Variants in FREM1 observed in about 807,000 individuals in gnomAD.
The protein encoded by FREM1 is FRAS1-related extracellular matrix protein 1.
Under a neutral mutation model 210.1 loss-of-function variants are expected in FREM1, and 220 were observed. The ratio of observed to expected loss-of-function variants is 1.05; its 90% CI spans 0.94 to 1.17. The LOEUF is 1.17. FREM1 is among the 50% of genes most tolerant of loss of function. FREM1 has a pLI of 0.00. For synonymous variants in FREM1, 1,189 were observed against 980.2 expected, an observed-to-expected ratio of 1.21 and a Z score of -3.98; for missense variants, 3,454 against 2,675.5, an observed-to-expected ratio of 1.29 and a Z score of -6.42.
Position 14,869,228 on chromosome 9 carries a change from C to G in FREM1, c.-251G>C. On this transcript the variant is annotated 5_prime_UTR_variant, in exon 2 of 37. Coordinates refer to ENST00000380880, the MANE Select transcript of FREM1 (RefSeq NM_001379081.2). ...ACGCCGGCAAGATTAATGGGCTTCC[C>G]AAGTGCTTTTCTAATCCTGCAAATG... 2.5e-6 allele frequency: 1 copy of G among 403,722 alleles called. No individual in the cohort carries two copies. 25.0% of individuals were successfully genotyped at this position (403,722 alleles called of 1,614,324 possible).
intron 2 of FREM1, among the ~76,000 whole-genome samples, chr9:14,867,117 C>T (rs1213510046): frequency 6.6e-6 from 1 of 152,162 alleles, no homozygotes; most frequent in African/African-American, 2.4e-5. Flanking sequence ...GCCTCAGCCA[C>T]CCAAAGTACT....
At chr9:14,840,315 A>C (rs938159701) in intron 10 of FREM1, among the ~76,000 whole-genome samples, 29 of 152,232 alleles carry the variant, frequency 1.9e-4, no homozygotes, top group Admixed American at 2.0e-4. Flanking sequence ...ATGTACGTAC[A>C]TAGTAGGTTT....
Position 14,851,306 on chromosome 9 carries a change from T to C in FREM1, c.1130A>G (p.His377Arg). The C allele has an allele frequency of 6.3e-7, 1 of 1,597,438 alleles. No individual in the cohort carries two copies. The highest frequency in any genetic ancestry group is 1.1e-5 in the South Asian group (1 of 87,976). The change falls in exon 6 of 37, where the codon CAT becomes CGT. Residue 377 changes from histidine (H) to arginine (R), a missense_variant. Transcript: ENST00000380880. Reference sequence around the variant, plus strand: ...TACCTCATCATGTCTCCTCTCAGAATGGCTGCTGTTTGGTGGCTGATAGGC... The same window carrying C: ...TACCTCATCATGTCTCCTCTCAGAACGGCTGCTGTTTGGTGGCTGATAGGC... ...QIAYQPPNSS[H>R]SERRHDEVEL...
chr9:14,800,315 T>G (rs1367734822), intron 20 of FREM1, among the ~76,000 whole-genome samples: 1 of 152,066 alleles, frequency 6.6e-6, no homozygotes, highest in Non-Finnish European at 1.5e-5. Context: ...GGGAAGGACC[T>G]TACAGGCTGG....
intron 24 of FREM1, among the ~76,000 whole-genome samples, chr9:14,777,456 A>T (rs1587901917): frequency 6.6e-6 from 1 of 152,336 alleles, no homozygotes; most frequent in East Asian, 1.9e-4. Flanking sequence ...CTTAGAAATA[A>T]TCACAGAATT....
intron 1 of FREM1, among the ~76,000 whole-genome samples, chr9:14,895,938 C>T (rs1189309045): frequency 1.3e-5 from 2 of 152,030 alleles, no homozygotes; most frequent in Non-Finnish European, 2.9e-5. Context: ...ATGTCAGAGG[C>T]ATTTGAACCA....
intron 3 of FREM1, among the ~76,000 whole-genome samples, chr9:14,862,489 A>T (rs369648587): frequency 4.6e-5 from 7 of 152,212 alleles, no homozygotes; most frequent in Non-Finnish European, 7.3e-5. Context: ...GCTTAAATTT[A>T]AAATTAATTT....
chr9:14,842,454 C>T lies in FREM1; in HGVS notation c.1600G>A (p.Glu534Lys), dbSNP rs1300656862. Residue 534 changes from glutamate (E) to lysine (K), a missense_variant, in exon 9 of 37, where the codon GAG (glutamate) becomes AAG (lysine). Physicochemically the swap from Glu to Lys is moderately conservative, Grantham distance 56. Coordinates refer to ENST00000380880, the MANE Select transcript of FREM1 (RefSeq NM_001379081.2). Reference sequence around the variant, plus strand: ...CCCTGGATCAGGATGGTCTGCCCCTCCTCCAGTTCAATCACAACATTGGTT... The same window carrying T: ...CCCTGGATCAGGATGGTCTGCCCCTTCTCCAGTTCAATCACAACATTGGTT... Reference protein sequence around the residue: ...LITNVVIELEEGQTILIQGSM... With the variant: ...LITNVVIELEKGQTILIQGSM... The T allele has an allele frequency of 6.2e-7, 1 of 1,614,006 alleles. No homozygotes were observed. Among genetic ancestry groups the T allele is most frequent in the Non-Finnish European group, 8.5e-7 (1 of 1,179,856 alleles).
chr9:14,900,399 G>A (rs769510578), intron 1 of FREM1, among the ~76,000 whole-genome samples: 1 of 152,200 alleles, frequency 6.6e-6, no homozygotes, highest in Non-Finnish European at 1.5e-5. Context: ...AGAGGTAAAA[G>A]GAGCTTTGGT....
chr9:14,848,936 G>C (rs1442364971), intron 6 of FREM1, among the ~76,000 whole-genome samples, 163 bp from the exon 7 acceptor site: 1 of 152,084 alleles, frequency 6.6e-6, no homozygotes, highest in Non-Finnish European at 1.5e-5. Context: ...GACTTTTTCA[G>C]GTTCTAGATC....
In FREM1 at chr9:14,844,386, G is replaced by A. The variant is rs540238912; in HGVS notation, c.1393+1574C>T. Among the ~76,000 whole-genome samples the A allele has an allele frequency of 9.2e-5, 14 of 152,012 alleles. No individual in the cohort carries two copies. In the East Asian group the frequency reaches 2.3e-3, roughly 25 times the overall value. On this transcript the variant is annotated intron_variant, in intron 8 of 36. Transcript: ENST00000380880. ...GGCTACAGGCACGCACCACCATGCCGGGCTATTTTTATGTTTTTAGTAGAG... is the reference window on the plus strand; with the variant it reads ...GGCTACAGGCACGCACCACCATGCCAGGCTATTTTTATGTTTTTAGTAGAG...
At chr9:14,861,214 T>C (rs1391229841) in intron 3 of FREM1, among the ~76,000 whole-genome samples, 1 of 90,742 alleles carries the variant, frequency 1.1e-5, no homozygotes, top group African/African-American at 5.0e-5. Context: ...CACATATACA[T>C]ATATACACAT....
chr9:14,829,635 G>C (rs1171813460), intron 10 of FREM1, among the ~76,000 whole-genome samples: 1 of 152,114 alleles, frequency 6.6e-6, no homozygotes, highest in Non-Finnish European at 1.5e-5. Flanking sequence ...GTCATAAGAA[G>C]GCCCTCACAA....
intron 1 of FREM1, among the ~76,000 whole-genome samples, chr9:14,888,318 C>T (rs1836180016): frequency 6.6e-6 from 1 of 152,096 alleles, no homozygotes; most frequent in Admixed American, 6.5e-5. Flanking sequence ...AAACCCTTGC[C>T]CTTAACCACT....
In FREM1 at chr9:14,775,802, A is replaced by G. The variant is rs766203329; in HGVS notation, c.4844T>C (p.Leu1615Ser). 1.2e-6 allele frequency: 2 copies of G among 1,611,890 alleles called. No individual in the cohort carries two copies. The highest frequency in any genetic ancestry group is 2.7e-5 in the African/African-American group (2 of 74,868). The change falls in exon 25 of 37, where the codon TTA becomes TCA. Residue 1615 changes from leucine (L) to serine (S), a missense_variant. Transcript: ENST00000380880. ...VNGRVWEEPV[L>S]FTIQVDQLDK... ...TTTCATACTTGCCTGAATGGTGAAT[A>G]AAACAGGTTCTTCCCACACTCTCCC...
At position 14,748,418 on chromosome 9, in the gene FREM1, G is replaced by T. The variant is rs754692429; in HGVS notation, c.5779C>A (p.Arg1927Ser). 3 of 1,609,006 alleles carry T rather than the reference G, an allele frequency of 1.9e-6. No individual in the cohort carries two copies. In the Middle Eastern group the frequency reaches 5.0e-4, roughly 266 times the overall value. Reference protein sequence around the residue: ...TDLSQRKLRTRGNGKTVRPSS... With the variant: ...TDLSQRKLRTSGNGKTVRPSS... ...ATCCTTACTGTTTTGCCATTCCCAC[G>T]GGTCCTAAGCTTCCTTTGAGAAAGA... The change falls in exon 31 of 37, where the codon CGT becomes AGT. Residue 1927 changes from arginine to serine, a missense_variant. Arg to Ser is a moderately radical substitution (Grantham distance 110). Transcript: ENST00000380880.
At chr9:14,741,971 G>C (rs1273180173) in intron 35 of FREM1, among the ~76,000 whole-genome samples, 1 of 152,198 alleles carries the variant, frequency 6.6e-6, no homozygotes, top group Non-Finnish European at 1.5e-5. Flanking sequence ...AGTTCCAAAA[G>C]AGTGAGATGG....
intron 1 of FREM1, among the ~76,000 whole-genome samples, chr9:14,888,421 A>C (rs1290910312): frequency 2.0e-5 from 3 of 152,218 alleles, no homozygotes; most frequent in African/African-American, 7.2e-5. Flanking sequence ...TATAGTATGC[A>C]GGAAATTTAA....
chr9:14,784,254 G>T, intron 24 of FREM1, 116 bp downstream of exon 24: 1 of 941,954 alleles, frequency 1.1e-6, no homozygotes. Flanking sequence ...ACAGCGTGAT[G>T]TTATAAGATA....
Sources: allele counts gnomAD v4.1 joint callset (sites outside exome capture counted in the v4.1 genomes callset), GRCh38; gene constraint gnomAD v4.1.1; transcripts MANE v1.5; gene names NCBI Gene and HGNC (gene_info 2026-07-23, HGNC 2026-07-21).